The following DLGAP2 variants were observed in gnomAD, a reference collection of about 807,000 sequenced individuals.
The protein encoded by DLGAP2 is disks large-associated protein 2.
DLGAP2 carries 26 observed loss-of-function variants against 100.3 expected under a neutral mutation model. The observed-to-expected ratio is 0.26, with a 90% CI of 0.19 to 0.36. DLGAP2 has a LOEUF of 0.36. DLGAP2 is among the 10% of genes least tolerant of loss of function. DLGAP2 has a pLI of 1.00. For synonymous variants in DLGAP2, 886 were observed against 630.1 expected, an observed-to-expected ratio of 1.41 and a Z score of -6.08; for missense variants, 1,858 against 1,453.2, an observed-to-expected ratio of 1.28 and a Z score of -4.53.
At chr8:1,653,252 G>C (rs1014350826) in intron 8 of DLGAP2, among the ~76,000 whole-genome samples, 1 of 152,058 alleles carries the variant, frequency 6.6e-6, no homozygotes, top group Non-Finnish European at 1.5e-5. Context: ...GTTGGTTCTT[G>C]GTGCCTGGAG....
At chr8:1,610,566 CA>C (rs1314546719) in intron 6 of DLGAP2, among the ~76,000 whole-genome samples, 1 of 136,422 alleles carries the variant, frequency 7.3e-6, no homozygotes, top group African/African-American at 2.9e-5. Context: ...AATAGAGACA[CA>C]AAAAACCCTT....
intron 3 of DLGAP2, among the ~76,000 whole-genome samples, chr8:1,346,901 T>C: frequency 6.6e-6 from 1 of 151,816 alleles, no homozygotes; most frequent in African/African-American, 2.4e-5. Flanking sequence ...TCACGGTAGC[T>C]GTGTGGAGGT....
intron 2 of DLGAP2, among the ~76,000 whole-genome samples, chr8:1,116,817 AAAAG>A (rs1805132307): frequency 1.3e-5 from 2 of 152,296 alleles, no homozygotes; most frequent in South Asian, 4.1e-4. Context: ...AAGAGAAAAA[AAAAG>A]AGAATATTCA....
At chr8:1,033,688 C>T (rs1413019200) in intron 2 of DLGAP2, among the ~76,000 whole-genome samples, 4 of 152,064 alleles carry the variant, frequency 2.6e-5, no homozygotes, top group African/African-American at 9.7e-5. Flanking sequence ...GAATGAGAAC[C>T]GCGAGTGGAT....
chr8:1,253,714 A>G (rs75132354), intron 2 of DLGAP2, among the ~76,000 whole-genome samples: 3,967 of 152,204 alleles, frequency 0.026, 113 homozygotes, highest in South Asian at 0.076. Context: ...ATCTGTGTCA[A>G]TTAGCACAGA....
At chr8:998,230 G>A (rs1414802936) in intron 2 of DLGAP2, among the ~76,000 whole-genome samples, 2 of 152,196 alleles carry the variant, frequency 1.3e-5, no homozygotes, top group East Asian at 3.8e-4. Flanking sequence ...GCACACACGG[G>A]TTGGCACTGC....
At position 1,092,118 on chromosome 8, in the gene DLGAP2, T is replaced by C. The variant is rs1005226972; in HGVS notation, c.74-166733T>C. 5.3e-5 allele frequency among the ~76,000 whole-genome samples: 8 copies of C among 152,254 alleles called. No homozygotes were observed. The East Asian group carries it at 1.2e-3, about 22-fold the overall frequency. On this transcript the variant is annotated intron_variant, in intron 2 of 14. Transcript: ENST00000637795. ...TGGGGACTCTCATGGGAGCGGCCGG[T>C]GTCTGCCCCTTCATACCCAGAACAG...
intron 2 of DLGAP2, among the ~76,000 whole-genome samples, chr8:965,265 AC>A (rs1053470465): frequency 7.5e-6 from 1 of 133,396 alleles, no homozygotes. Context: ...CCTGAGCCCA[AC>A]CCCCGCGTGC....
intron 2 of DLGAP2, among the ~76,000 whole-genome samples, chr8:1,112,102 T>A (rs1303563510): frequency 6.6e-6 from 1 of 152,208 alleles, no homozygotes; most frequent in East Asian, 1.9e-4. Flanking sequence ...ATGGCCATTC[T>A]GACTGGTGTG....
chr8:1,344,117 G>GTGAGTCCGTGTACTGT (rs1801488412), intron 3 of DLGAP2, among the ~76,000 whole-genome samples: 3 of 125,632 alleles, frequency 2.4e-5, no homozygotes, highest in Admixed American at 8.0e-5. Flanking sequence ...CCATGTATTC[G>GTGAGTCCGTGTACTGT]GGGCCCTGTC....
intron 1 of DLGAP2, among the ~76,000 whole-genome samples, chr8:747,170 G>A (rs370918565): frequency 6.6e-6 from 1 of 151,978 alleles, no homozygotes; most frequent in South Asian, 2.1e-4. Flanking sequence ...AGGGGCTGCC[G>A]GGCACTGCCC....
intron 2 of DLGAP2, among the ~76,000 whole-genome samples, chr8:1,080,662 C>T (rs779354591): frequency 4.6e-5 from 7 of 152,214 alleles, no homozygotes; most frequent in African/African-American, 7.2e-5. Context: ...TCGTGCTGAA[C>T]GCAGTAGTTA....
intron 2 of DLGAP2, among the ~76,000 whole-genome samples, chr8:1,149,972 G>A (rs1188978435): frequency 2.6e-5 from 4 of 152,156 alleles, no homozygotes; most frequent in Non-Finnish European, 5.9e-5. Flanking sequence ...CCACAGATAC[G>A]AATTCTGTAT....
chr8:1,261,559 G>A (rs10866920), intron 3 of DLGAP2, among the ~76,000 whole-genome samples: 82,275 of 144,546 alleles, frequency 0.57, 25,161 homozygotes, highest in Non-Finnish European at 0.66. Flanking sequence ...GAGGGTGGGG[G>A]TGGGAGGGGG....
intron 1 of DLGAP2, among the ~76,000 whole-genome samples, chr8:790,241 G>C (rs1484931089): frequency 6.6e-6 from 1 of 152,202 alleles, no homozygotes; most frequent in Non-Finnish European, 1.5e-5. Flanking sequence ...GGATGTTGTA[G>C]AGGCTGGACA....
At chr8:1,257,774 G>T (rs1462255834) in intron 2 of DLGAP2, among the ~76,000 whole-genome samples, 2 of 151,946 alleles carry the variant, frequency 1.3e-5, no homozygotes, top group Non-Finnish European at 2.9e-5. Context: ...CCTCCCGAGG[G>T]CCCGTGCAGG....
chr8:1,349,134 G>T (rs1801642476), intron 3 of DLGAP2, among the ~76,000 whole-genome samples: 1 of 150,980 alleles, frequency 6.6e-6, no homozygotes, highest in Admixed American at 6.6e-5. Context: ...AGCCCATCAG[G>T]TCTCTTTCCC....
chr8:888,238 G>T (rs901156974), intron 1 of DLGAP2, among the ~76,000 whole-genome samples: 3 of 152,122 alleles, frequency 2.0e-5, no homozygotes, highest in African/African-American at 7.2e-5. Context: ...GCTCTGTCAG[G>T]TTATGTTCCT....
intron 8 of DLGAP2, among the ~76,000 whole-genome samples, chr8:1,648,307 C>G (rs1018049729): frequency 1.3e-5 from 2 of 152,212 alleles, no homozygotes; most frequent in African/African-American, 4.8e-5. Flanking sequence ...AATACTTACT[C>G]AGGGGCACCC....
Sources: gnomAD v4.1 joint callset for allele counts (sites outside exome capture counted in the v4.1 genomes callset) on GRCh38, gnomAD v4.1.1 for gene constraint, MANE v1.5 for transcripts, NCBI Gene and HGNC (gene_info 2026-07-23, HGNC 2026-07-21) for gene names.